CNTNAP2: variants seen among roughly 807,000 people sequenced by gnomAD.
CNTNAP2 encodes contactin associated protein 2, also known as contactin-associated protein-like 2.
CNTNAP2 carries 98 observed loss-of-function variants against 155.2 expected under a neutral mutation model. The observed-to-expected ratio is 0.63, with a 90% CI of 0.54 to 0.75. CNTNAP2 has a LOEUF of 0.75. Among genes scored for constraint, CNTNAP2 ranks in the 30% least tolerant of loss-of-function variants. The pLI, the probability that CNTNAP2 is intolerant of heterozygous loss-of-function variation, is 0.00. For synonymous variants in CNTNAP2, 651 were observed against 631.2 expected (o/e 1.03, Z -0.47); for missense variants, 1,727 against 1,688.1 (o/e 1.02, Z -0.40).
chr7:148,259,844 G>T (rs1198188211), intron 20 of CNTNAP2, among the ~76,000 whole-genome samples: 1 of 152,302 alleles, frequency 6.6e-6, no homozygotes, highest in Non-Finnish European at 1.5e-5. Context: ...GCTTCTAATG[G>T]CTTCATGGCA....
chr7:146,304,810 G>A (rs1800679227), intron 1 of CNTNAP2, among the ~76,000 whole-genome samples: 1 of 152,048 alleles, frequency 6.6e-6, no homozygotes, highest in Admixed American at 6.5e-5. Context: ...AAATTTGAAT[G>A]TTGGCCTGCC....
At chr7:148,400,959 G>A (rs887250937) in intron 22 of CNTNAP2, among the ~76,000 whole-genome samples, 11 of 149,474 alleles carry the variant, frequency 7.4e-5, no homozygotes, top group African/African-American at 2.5e-4. Context: ...CAGCCTGGGC[G>A]ACAGAGTGAG....
intron 9 of CNTNAP2, among the ~76,000 whole-genome samples, chr7:147,347,360 TATGA>T (rs1255736274): frequency 4.6e-5 from 7 of 150,712 alleles, no homozygotes. Flanking sequence ...TTGAATTCTA[TATGA>T]TGCTGATGGG....
chr7:146,934,849 A>G (rs564728370), intron 3 of CNTNAP2, among the ~76,000 whole-genome samples: 3 of 152,180 alleles, frequency 2.0e-5, no homozygotes, highest in South Asian at 2.1e-4. Context: ...GTGACATCAG[A>G]GATCACCGTG....
intron 9 of CNTNAP2, among the ~76,000 whole-genome samples, chr7:147,321,727 G>C (rs1050025070): frequency 2.0e-5 from 3 of 152,164 alleles, no homozygotes; most frequent in Non-Finnish European, 2.9e-5. Flanking sequence ...GACAGCAGTT[G>C]ACAATATAAC....
intron 12 of CNTNAP2, among the ~76,000 whole-genome samples, chr7:147,637,078 C>G (rs1053584444): frequency 1.1e-4 from 17 of 152,126 alleles, no homozygotes; most frequent in Admixed American, 1.0e-3. Context: ...GGCATAGAGG[C>G]GGGGAGGAGC....
intron 1 of CNTNAP2, among the ~76,000 whole-genome samples, chr7:146,621,044 T>C (rs1343126016): frequency 1.3e-5 from 2 of 152,110 alleles, no homozygotes; most frequent in Non-Finnish European, 2.9e-5. Flanking sequence ...CCGGGACATA[T>C]CCATATATCG....
At chr7:146,502,259 A>ATATATATATATG (rs1563109739) in intron 1 of CNTNAP2, among the ~76,000 whole-genome samples, 12 of 128,302 alleles carry the variant, frequency 9.4e-5, no homozygotes, top group Admixed American at 3.1e-4. Context: ...ATATATATAT[A>ATATATATATATG]TGTCATATTT....
At chr7:146,945,049 A>C (rs1414051558) in intron 3 of CNTNAP2, among the ~76,000 whole-genome samples, 1 of 152,154 alleles carries the variant, frequency 6.6e-6, no homozygotes, top group African/African-American at 2.4e-5. Context: ...TACTCAGTGC[A>C]CGTGATAATA....
At chr7:148,294,584 T>C (rs974605329) in intron 21 of CNTNAP2, among the ~76,000 whole-genome samples, 25 of 152,318 alleles carry the variant, frequency 1.6e-4, no homozygotes, top group African/African-American at 6.0e-4. Flanking sequence ...ATAATAACTT[T>C]TAAAATAATC....
intron 1 of CNTNAP2, among the ~76,000 whole-genome samples, chr7:146,520,761 TG>T (rs1797606636): frequency 6.6e-6 from 1 of 151,896 alleles, no homozygotes; most frequent in African/African-American, 2.4e-5. Context: ...TCTTAACTGG[TG>T]GAATCTGGAA....
rs114339465 is a variant in CNTNAP2 at position 147,412,070 on chromosome 7, C to T, written c.1670+16290C>T. Among the ~76,000 whole-genome samples, 1,319 of 152,246 alleles carry T rather than the reference C, an allele frequency of 8.7e-3. 22 individuals carry two copies. The highest frequency in any genetic ancestry group is 0.03 in the African/African-American group (1,261 of 41,524). On this transcript the variant is annotated intron_variant, in intron 10 of 23. Coordinates refer to ENST00000361727, the MANE Select transcript of CNTNAP2 (RefSeq NM_014141.6). ...GTATTCAAGAGTGAAGATGATCCAG[C>T]CTCCCTTCAAGGATTTCATAAGAGA...
rs1271416847 is a variant in CNTNAP2 at position 147,719,391 on chromosome 7, T to C, written c.2098+80085T>C. On this transcript the variant is annotated intron_variant, in intron 13 of 23. Transcript: ENST00000361727. ...ATTAAAGGGAATCCTGCCACTAGAA[T>C]AAAAATTATTCTAATCTGGCTGGTA... 2.0e-5 allele frequency among the ~76,000 whole-genome samples: 3 copies of C among 152,204 alleles called. No homozygotes were observed. In the East Asian group the frequency reaches 5.8e-4, roughly 30 times the overall value.
chr7:146,377,311 T>C (rs1001160231), intron 1 of CNTNAP2, among the ~76,000 whole-genome samples: 4 of 152,224 alleles, frequency 2.6e-5, no homozygotes, highest in Non-Finnish European at 5.9e-5. Flanking sequence ...TTCCACATGC[T>C]TCTCGTTTTC....
rs763044495 is a variant in CNTNAP2 at position 148,383,906 on chromosome 7, C to T, written c.3715+18C>T. 1 of 1,610,186 alleles carries T rather than the reference C, an allele frequency of 6.2e-7. No individual in the cohort carries two copies. The highest frequency in any genetic ancestry group is 8.5e-7 in the Non-Finnish European group (1 of 1,178,510). On this transcript the variant is annotated intron_variant, in intron 22 of 23. Transcript: ENST00000361727. The stretch of plus-strand genomic sequence containing the variant: ...GGATTCAGGTAAAGTCTTCAGCAAC[C>T]TCAGGCAGGTTGCTTCATTTCTTTA...
intron 18 of CNTNAP2, among the ~76,000 whole-genome samples, chr7:148,181,741 CTTTTTTTTTTTTTTTTT>C (rs71527884): frequency 1.2e-4 from 6 of 48,646 alleles, no homozygotes; most frequent in African/African-American, 2.7e-4. Flanking sequence ...AGTGTGTGCC[CTTTTTTTTTTTTTTTTT>C]TTTTTTTTTT....
chr7:146,680,204 C>T (rs187631431), intron 1 of CNTNAP2, among the ~76,000 whole-genome samples: 4 of 152,008 alleles, frequency 2.6e-5, no homozygotes, highest in South Asian at 2.1e-4. Context: ...AAGGGCAGTT[C>T]GTTTGTGAGC....
chr7:146,891,203 T>G (rs780631781), intron 3 of CNTNAP2, among the ~76,000 whole-genome samples: 18 of 152,096 alleles, frequency 1.2e-4, no homozygotes, highest in Non-Finnish European at 2.6e-4. Flanking sequence ...TTGGGTACAC[T>G]TCAACATAAA....
chr7:146,939,035 A>G (rs924764230), intron 3 of CNTNAP2, among the ~76,000 whole-genome samples: 3 of 152,164 alleles, frequency 2.0e-5, no homozygotes, highest in Admixed American at 6.5e-5. Flanking sequence ...ACAAGAAAAT[A>G]TAATTTCATA....
Sources: gnomAD v4.1 joint callset for allele counts (sites outside exome capture counted in the v4.1 genomes callset) on GRCh38, gnomAD v4.1.1 for gene constraint, MANE v1.5 for transcripts, NCBI Gene and HGNC (gene_info 2026-07-23, HGNC 2026-07-21) for gene names.